Variants in AGBL5 observed in about 807,000 individuals in gnomAD.
The protein encoded by AGBL5 is AGBL carboxypeptidase 5, also known as cytosolic carboxypeptidase-like protein 5.
In AGBL5, 51 loss-of-function variants were observed where a neutral mutation model predicts 88.0. That is an observed-to-expected ratio of 0.58 (90% CI 0.46 to 0.73). The LOEUF (loss-of-function observed/expected upper bound fraction) is 0.73, where lower values mean the gene tolerates loss of function less well. AGBL5 is among the 30% of genes least tolerant of loss of function. AGBL5 has a pLI of 0.00. For missense variants in AGBL5, 1,031 were observed against 1,162.2 expected (o/e 0.89, Z 1.64); for synonymous variants, 446 against 438.8 (o/e 1.02, Z -0.21).
At chr2:27,052,305 C>A (rs1033754698) in intron 1 of AGBL5, 11 of 152,350 alleles carry the variant, frequency 7.2e-5, no homozygotes, top group African/African-American at 2.6e-4. Context: ...GGCAGAGGCA[C>A]CACTGTTATA....
chr2:27,065,662 A>C (rs1374398190), intron 11 of AGBL5, among the ~76,000 whole-genome samples: 2 of 152,196 alleles, frequency 1.3e-5, no homozygotes, highest in African/African-American at 4.8e-5. Context: ...ATTAAACAGA[A>C]ACCATGAACT....
chr2:27,064,176 G>A (rs994453187), intron 11 of AGBL5, among the ~76,000 whole-genome samples: 2 of 152,050 alleles, frequency 1.3e-5, no homozygotes, highest in Non-Finnish European at 2.9e-5. Flanking sequence ...GACTATCTCT[G>A]TCATTGGTGG....
Position 27,070,396 on chromosome 2 carries a change from A to G in AGBL5, c.*133A>G. ...CTTGGAATGCCAGCCACGCTGTCCA[A>G]GGCATTACAGAGTATCACCTTGAGA... On this transcript the variant is annotated 3_prime_UTR_variant, in exon 15 of 15. Coordinates refer to ENST00000360131, the MANE Select transcript of AGBL5 (RefSeq NM_021831.6). The G allele has an allele frequency of 1.1e-6, 1 of 894,864 alleles. No homozygotes were observed. The highest frequency in any genetic ancestry group is 1.7e-6 in the Non-Finnish European group (1 of 573,072). The allele number at this position is 894,864 out of a possible 1,614,324, so 55.4% of individuals were successfully genotyped here. A position where few individuals can be genotyped will look rare whatever the true frequency, so the allele number is the denominator to read the frequency against.
intron 11 of AGBL5, 72 bp downstream of exon 11, chr2:27,059,476 G>T: frequency 6.3e-7 from 1 of 1,599,888 alleles, no homozygotes; most frequent in South Asian, 1.1e-5. Context: ...GTAAGAGCTT[G>T]AAGATATACT....
upstream of AGBL5, chr2:27,051,568 T>G (rs1353310334): frequency 6.6e-6 from 1 of 152,278 alleles, no homozygotes; most frequent in African/African-American, 2.4e-5. Context: ...CCCACTAACG[T>G]GCGAGGAACC....
chr2:27,052,358 G>C (rs1379068505), intron 1 of AGBL5: 2 of 152,328 alleles, frequency 1.3e-5, no homozygotes, highest in Non-Finnish European at 2.9e-5. Flanking sequence ...AAAAAAGGAA[G>C]AACCAGCCCT....
chr2:27,056,785 A>T lies in AGBL5; in HGVS notation c.1528A>T (p.Ile510Phe), dbSNP rs1227382765. ...RVAIYKASGI[I>F]HSYTLECNYN... ...TGCAATCTACAAAGCCTCAGGGATA[A>T]TCCACAGGTTGGGTGGAAGCTGAGA... is the stretch of plus-strand genomic sequence containing the variant. Residue 510 changes from isoleucine (I) to phenylalanine (F), a missense_variant, in exon 8 of 15, where the codon ATC becomes TTC. Around this residue, in one of 2 missense-constraint regions of AGBL5, gnomAD observed 540 missense variants for 678.2 expected, o/e 0.80. Coordinates refer to ENST00000360131, the MANE Select transcript of AGBL5 (RefSeq NM_021831.6). The T allele has an allele frequency of 6.2e-7, 1 of 1,603,852 alleles. No individual in the cohort carries two copies. The highest frequency in any genetic ancestry group is 1.3e-5 in the African/African-American group (1 of 74,544).
At position 27,068,681 on chromosome 2, in the gene AGBL5, G is replaced by A. The variant is rs1669115004; in HGVS notation, c.2292G>A (p.Met764Ile). 6.2e-7 allele frequency: 1 copy of A among 1,614,162 alleles called. No homozygotes were observed. Among genetic ancestry groups the A allele is most frequent in the Non-Finnish European group, 8.5e-7 (1 of 1,180,034 alleles). The change falls in exon 13 of 15, where the codon ATG (methionine) becomes ATA (isoleucine). Residue 764 changes from methionine to isoleucine, a missense_variant. Met to Ile is a conservative substitution (Grantham distance 10, BLOSUM62 1). Coordinates refer to ENST00000360131, the MANE Select transcript of AGBL5 (RefSeq NM_021831.6). ...CTGGAGACAAACCAGAGGCTGTCAT[G>A]GTAATCGGGAAAGGTCTGCTAGGGA... ...LSSGDKPEAV[M>I]VIGKGLLGTG...
chr2:27,068,851 C>T, intron 13 of AGBL5, 107 bp downstream of exon 13: 1 of 1,527,166 alleles, frequency 6.5e-7, no homozygotes, highest in South Asian at 1.2e-5. Flanking sequence ...ACTGCATCTA[C>T]CCTTGGCCAC....
chr2:27,065,768 T>G (rs1668955737), intron 11 of AGBL5, among the ~76,000 whole-genome samples: 1 of 152,112 alleles, frequency 6.6e-6, no homozygotes, highest in Non-Finnish European at 1.5e-5. Context: ...AGGTAACATT[T>G]GAGATGGGAC....
At chr2:27,051,359 C>T (rs1330885525), upstream of AGBL5, 1 of 152,238 alleles carries the variant, frequency 6.6e-6, no homozygotes, top group Admixed American at 6.5e-5. Context: ...CTACGTGTTT[C>T]ATTTTAGAGA....
chr2:27,059,249 G>A lies in AGBL5; in HGVS notation c.1934G>A (p.Gly645Asp). Residue 645 changes from glycine to aspartate, a missense_variant, in exon 11 of 15, where the codon GGC becomes GAC. Gly to Asp is a moderately conservative substitution (Grantham distance 94). This residue lies in a region of AGBL5 where 491 missense variants were observed against 484.0 expected (regional missense o/e 1.01). Coordinates refer to ENST00000360131, the MANE Select transcript of AGBL5 (RefSeq NM_021831.6). ...TLSRARSFSTGTSAGGSSSSQ... is the reference protein window; with the variant it reads ...TLSRARSFSTDTSAGGSSSSQ... ...AGTCGGGCACGAAGTTTTAGCACCG[G>A]CACAAGTGCCGGTGGTAGCAGCAGC... is the stretch of plus-strand genomic sequence containing the variant. The A allele has an allele frequency of 6.2e-7, 1 of 1,614,206 alleles. No homozygotes were observed. Among genetic ancestry groups the A allele is most frequent in the Non-Finnish European group, 8.5e-7 (1 of 1,180,034 alleles).
At position 27,069,577 on chromosome 2, in the gene AGBL5, G is replaced by T. The variant is rs199568545; in HGVS notation, c.2360G>T (p.Arg787Met). 36 of 1,613,928 alleles carry T rather than the reference G, an allele frequency of 2.2e-5. No homozygotes were observed. Among genetic ancestry groups the T allele is most frequent in the Middle Eastern group, 1.7e-4 (1 of 6,060 alleles). ...MPCIKTRLQA[R>M]PRLGRGSPPT... is the part of the protein sequence containing the mutation. ...GCGCAAACCCTGTCCACACAGGCTA[G>T]GCCCAGGTTGGGCCGGGGCTCACCG... The change falls in exon 14 of 15, where the codon AGG (arginine) becomes ATG (methionine). Residue 787 changes from arginine (R) to methionine (M), a missense_variant. Transcript: ENST00000360131.
chr2:27,059,399 T>G lies in AGBL5; in HGVS notation c.2084T>G (p.Val695Gly). The change falls in exon 11 of 15, where the codon GTC (valine) becomes GGC (glycine). Residue 695 changes from valine to glycine, a missense_variant. By Grantham distance (109) the Val-to-Gly change is moderately radical (BLOSUM62 -3). Around this residue, in one of 2 missense-constraint regions of AGBL5, gnomAD observed 491 missense variants for 484.0 expected, o/e 1.01. Coordinates refer to ENST00000360131, the MANE Select transcript of AGBL5 (RefSeq NM_021831.6). Reference sequence around the variant, plus strand: ...GTCACCCACCGGGTGCTGGGCCCCGTCAGAGGTAAGCCAGTCTGGGAGCCC... The same window carrying G: ...GTCACCCACCGGGTGCTGGGCCCCGGCAGAGGTAAGCCAGTCTGGGAGCCC... The part of the protein sequence containing the change: ...QKVTHRVLGP[V>G]REPRSQDRRR... 1 of 1,614,156 alleles carries G rather than the reference T, an allele frequency of 6.2e-7. No individual in the cohort carries two copies. Among genetic ancestry groups the G allele is most frequent in the South Asian group, 1.1e-5 (1 of 91,068 alleles).
intron 11 of AGBL5, among the ~76,000 whole-genome samples, chr2:27,067,205 C>T (rs1342003396): frequency 2.1e-5 from 3 of 144,922 alleles, no homozygotes; most frequent in Admixed American, 7.1e-5. Flanking sequence ...GAGCCATGAT[C>T]GTGCCATTGT....
chr2:27,067,724 G>A (rs1474558079), intron 12 of AGBL5, 78 bp downstream of exon 12: 2 of 1,521,718 alleles, frequency 1.3e-6, no homozygotes, highest in South Asian at 2.3e-5. Context: ...GCCTAGTTGG[G>A]AGACCAGGGG....
chr2:27,055,053 T>A (rs780529426), intron 5 of AGBL5, 22 bp from the exon 6 acceptor site: 1 of 1,609,858 alleles, frequency 6.2e-7, no homozygotes, highest in South Asian at 1.1e-5. Context: ...TGACTTAATG[T>A]CTGCTCTCCT....
At position 27,055,059 on chromosome 2, in the gene AGBL5, C is replaced by T. The variant is rs768337268; in HGVS notation, c.730-16C>T. 6.2e-7 allele frequency: 1 copy of T among 1,611,838 alleles called. No individual in the cohort carries two copies. Among genetic ancestry groups the T allele is most frequent in the Admixed American group, 1.7e-5 (1 of 59,996 alleles). ...CAGGGTAACTGACTTAATGTCTGCT[C>T]TCCTCTCTACCTCAGATATTCTTCT... On this transcript the variant is annotated splice_polypyrimidine_tract_variant and intron_variant, in intron 5 of 14. Coordinates refer to ENST00000360131, the MANE Select transcript of AGBL5 (RefSeq NM_021831.6).
chr2:27,053,057 A>C lies in AGBL5; in HGVS notation c.99A>C (p.Glu33Asp). 1 of 1,613,738 alleles carries C rather than the reference A, an allele frequency of 6.2e-7. No individual in the cohort carries two copies. Among genetic ancestry groups the C allele is most frequent in the African/African-American group, 1.3e-5 (1 of 75,050 alleles). The change falls in exon 2 of 15, where the codon GAA (glutamate) becomes GAC (aspartate). Residue 33 changes from glutamate to aspartate, a missense_variant. Coordinates refer to ENST00000360131, the MANE Select transcript of AGBL5 (RefSeq NM_021831.6). This position sits in a 1 kb window ranked among gnomAD's most constrained non-coding sequence, Gnocchi z 4.9. Reference sequence around the variant, plus strand: ...TGGAATCTTTGTCCAGTGATGGGGAAGGGGTAGGAGGTGGGGCGTCAGCCC... The same window carrying C: ...TGGAATCTTTGTCCAGTGATGGGGACGGGGTAGGAGGTGGGGCGTCAGCCC... ...EKVESLSSDG[E>D]GVGGGASALT...
Sources: allele counts gnomAD v4.1 joint callset (sites outside exome capture counted in the v4.1 genomes callset), GRCh38; gene constraint gnomAD v4.1.1; regional missense constraint gnomAD v4.1.1; non-coding constraint Gnocchi (gnomAD v3.1); transcripts MANE v1.5; gene names NCBI Gene and HGNC (gene_info 2026-07-23, HGNC 2026-07-21).